Variants in JARID2 observed in about 807,000 individuals in gnomAD.
JARID2 encodes the protein protein Jumonji.
JARID2 carries 21 observed loss-of-function variants against 125.6 expected under a neutral mutation model. The observed-to-expected ratio is 0.17, with a 90% CI of 0.12 to 0.24. The LOEUF (loss-of-function observed/expected upper bound fraction) is 0.24, where lower values mean the gene tolerates loss of function less well. JARID2 is among the 10% of genes least tolerant of loss of function. The probability of loss-of-function intolerance (pLI) is 1.00; values close to 1 mark genes in which losing one functional copy is unlikely to be tolerated. For missense variants in JARID2, 1,303 were observed against 1,639.6 expected, an observed-to-expected ratio of 0.79 and a Z score of 3.55; for synonymous variants, 736 against 661.6, an observed-to-expected ratio of 1.11 and a Z score of -1.73.
chr6:15,342,323 C>T (rs1348246605), intron 1 of JARID2, among the ~76,000 whole-genome samples: 1 of 152,170 alleles, frequency 6.6e-6, no homozygotes, highest in Non-Finnish European at 1.5e-5. Context: ...TGATCCCTCT[C>T]CCCACCCATT....
chr6:15,334,731 T>C (rs575013097), intron 1 of JARID2, among the ~76,000 whole-genome samples: 72 of 152,338 alleles, frequency 4.7e-4, no homozygotes, highest in African/African-American at 1.6e-3. Flanking sequence ...TGTACAACTC[T>C]AGATACAGAA....
At chr6:15,446,420 G>A (rs1014073406) in intron 3 of JARID2, among the ~76,000 whole-genome samples, 1 of 152,214 alleles carries the variant, frequency 6.6e-6, no homozygotes, top group South Asian at 2.1e-4. Flanking sequence ...TTCTGTGCGG[G>A]AAGTGGCCTC....
At chr6:15,252,060 C>T (rs910556566) in intron 1 of JARID2, among the ~76,000 whole-genome samples, 1 of 152,092 alleles carries the variant, frequency 6.6e-6, no homozygotes, top group African/African-American at 2.4e-5. Context: ...AAAATGTGGG[C>T]CAGACATTTT....
At chr6:15,367,551 TTC>T (rs1764023403) in intron 1 of JARID2, among the ~76,000 whole-genome samples, 1 of 152,204 alleles carries the variant, frequency 6.6e-6, no homozygotes, top group South Asian at 2.1e-4. Flanking sequence ...ACTAACACAT[TTC>T]TGAGTTTTGA....
At chr6:15,273,299 T>A (rs1188124903) in intron 1 of JARID2, among the ~76,000 whole-genome samples, 10 of 152,206 alleles carry the variant, frequency 6.6e-5, no homozygotes, top group Admixed American at 5.2e-4. Flanking sequence ...GATGTACACA[T>A]GGGATGTGCA....
chr6:15,508,571 C>CTCTGTG, intron 12 of JARID2, 117 bp downstream of exon 12: 1 of 673,488 alleles, frequency 1.5e-6, no homozygotes, highest in Non-Finnish European at 2.7e-6. Flanking sequence ...GAACTTGCTT[C>CTCTGTG]TCTGTGTTCA....
At chr6:15,438,539 G>T (rs761865049) in intron 3 of JARID2, among the ~76,000 whole-genome samples, 3 of 152,326 alleles carry the variant, frequency 2.0e-5, no homozygotes, top group East Asian at 3.9e-4. Flanking sequence ...TGGACAAAAT[G>T]TGAGTATTTT....
chr6:15,432,904 A>C (rs1767030536), intron 3 of JARID2, among the ~76,000 whole-genome samples: 1 of 152,218 alleles, frequency 6.6e-6, no homozygotes, highest in South Asian at 2.1e-4. Context: ...GCTATAACCC[A>C]GTATTTCTCA....
At chr6:15,390,799 C>T (rs934214744) in intron 2 of JARID2, among the ~76,000 whole-genome samples, 2 of 152,158 alleles carry the variant, frequency 1.3e-5, no homozygotes, top group African/African-American at 2.4e-5. Context: ...CCGCAGTCCT[C>T]CAGCTCTGCT....
At chr6:15,489,368 C>T (rs1382185306) in intron 6 of JARID2, among the ~76,000 whole-genome samples, 2 of 152,182 alleles carry the variant, frequency 1.3e-5, no homozygotes, top group Non-Finnish European at 2.9e-5. Flanking sequence ...TGAAGGGTGG[C>T]AGAGGACCTG....
chr6:15,423,896 T>C (rs1381466758), intron 3 of JARID2, among the ~76,000 whole-genome samples: 1 of 152,164 alleles, frequency 6.6e-6, no homozygotes, highest in Non-Finnish European at 1.5e-5. Context: ...GCAGGTGCCC[T>C]GTCTTTGGGT....
intron 3 of JARID2, among the ~76,000 whole-genome samples, chr6:15,451,432 AT>A (rs1488902102): frequency 6.6e-6 from 1 of 152,178 alleles, no homozygotes; most frequent in Non-Finnish European, 1.5e-5. Flanking sequence ...GACTAGAGAC[AT>A]ACCTTTTTTT....
rs1759359189 is a variant in JARID2, at chr6:15,249,591, G to A, written c.45+3007G>A. Among the ~76,000 whole-genome samples, 3 of 152,322 alleles carry A rather than the reference G, an allele frequency of 2.0e-5. No individual in the cohort carries two copies. The South Asian group carries it at 6.2e-4, about 32-fold the overall frequency. ...TGAAAAGATCATGTGCATGGAAGAT[G>A]TAAAACAGTATGCCTCTTTATAAGT... On this transcript the variant is annotated intron_variant, in intron 1 of 17. Transcript: ENST00000341776.
intron 3 of JARID2, among the ~76,000 whole-genome samples, chr6:15,425,805 T>C (rs565361010): frequency 6.6e-6 from 1 of 152,316 alleles, no homozygotes; most frequent in South Asian, 2.1e-4. Flanking sequence ...AAAAGAAAGA[T>C]GCGTGAAGTT....
At chr6:15,373,515 A>T (rs1169744648) in intron 1 of JARID2, among the ~76,000 whole-genome samples, 2 of 152,226 alleles carry the variant, frequency 1.3e-5, no homozygotes, top group African/African-American at 4.8e-5. Context: ...TGCCAGTTGT[A>T]TGCCGCCAAG....
intron 1 of JARID2, among the ~76,000 whole-genome samples, chr6:15,336,731 TAA>T (rs895354912): frequency 6.6e-6 from 1 of 151,872 alleles, no homozygotes; most frequent in African/African-American, 2.4e-5. Flanking sequence ...TTTTAAAATT[TAA>T]GAGATGAGGT....
chr6:15,340,067 C>G (rs886837161), intron 1 of JARID2, among the ~76,000 whole-genome samples: 1 of 151,880 alleles, frequency 6.6e-6, no homozygotes, highest in African/African-American at 2.4e-5. Flanking sequence ...TCATGCAATT[C>G]TCCCACCTCA....
At chr6:15,326,934 A>G (rs962450984) in intron 1 of JARID2, among the ~76,000 whole-genome samples, 2 of 152,224 alleles carry the variant, frequency 1.3e-5, no homozygotes, top group African/African-American at 4.8e-5. Flanking sequence ...ATACATTGAT[A>G]CTGGTTGGGT....
intron 1 of JARID2, among the ~76,000 whole-genome samples, chr6:15,267,276 G>A (rs1013953356): frequency 3.3e-5 from 5 of 152,002 alleles, no homozygotes; most frequent in African/African-American, 7.3e-5. Flanking sequence ...ATCTTAAAGC[G>A]GCTTATCAGT....
Sources: allele counts gnomAD v4.1 joint callset (sites outside exome capture counted in the v4.1 genomes callset), GRCh38; gene constraint gnomAD v4.1.1; transcripts MANE v1.5; gene names NCBI Gene and HGNC (gene_info 2026-07-23, HGNC 2026-07-21).